Variants in KAZN observed in about 807,000 individuals in gnomAD.
KAZN encodes kazrin.
KAZN carries 40 observed loss-of-function variants against 87.4 expected under a neutral mutation model. The ratio of observed to expected loss-of-function variants is 0.46; its 90% CI spans 0.36 to 0.60. The LOEUF (loss-of-function observed/expected upper bound fraction) is 0.60, where lower values mean the gene tolerates loss of function less well. KAZN is among the 20% of genes least tolerant of loss of function. The pLI, the probability that KAZN is intolerant of heterozygous loss-of-function variation, is 0.00. For missense variants in KAZN, 898 were observed against 1,073.9 expected (o/e 0.84, Z 2.29); for synonymous variants, 466 against 458.3 (o/e 1.02, Z -0.22).
chr1:14,939,602 T>C (rs557744155), intron 1 of KAZN, among the ~76,000 whole-genome samples: 7 of 152,190 alleles, frequency 4.6e-5, no homozygotes, highest in Non-Finnish European at 7.3e-5. Flanking sequence ...GAGGTCCGCA[T>C]TGGCAGTGGG....
At chr1:15,044,671 G>A (rs1673291108) in intron 4 of KAZN, among the ~76,000 whole-genome samples, 1 of 150,968 alleles carries the variant, frequency 6.6e-6, no homozygotes, top group African/African-American at 2.4e-5. Context: ...AGCCCTGGAG[G>A]TAAGGCTGCA....
intron 2 of KAZN, among the ~76,000 whole-genome samples, chr1:14,494,721 ATTGT>A (rs1669851743): frequency 1.3e-5 from 2 of 152,206 alleles, no homozygotes; most frequent in South Asian, 4.1e-4. Flanking sequence ...TCCAGGAAGC[ATTGT>A]TTTTTGCACC....
intron 2 of KAZN, among the ~76,000 whole-genome samples, chr1:15,007,797 C>G (rs1345703172): frequency 6.6e-6 from 1 of 152,238 alleles, no homozygotes; most frequent in Non-Finnish European, 1.5e-5. Flanking sequence ...GCTAACAAAC[C>G]TGAATGCCAC....
intron 1 of KAZN, among the ~76,000 whole-genome samples, chr1:13,950,141 C>A (rs565047454): frequency 4.6e-5 from 7 of 152,244 alleles, no homozygotes; most frequent in Non-Finnish European, 1.0e-4. Flanking sequence ...CATGCACCTG[C>A]TGCTTTGTTT....
intron 1 of KAZN, among the ~76,000 whole-genome samples, chr1:14,642,904 C>T (rs529094933): frequency 6.6e-6 from 1 of 152,276 alleles, no homozygotes; most frequent in South Asian, 2.1e-4. Flanking sequence ...TACAGAGCTA[C>T]TGGATCTTTT....
intron 2 of KAZN, among the ~76,000 whole-genome samples, chr1:14,345,970 A>G (rs1658075807): frequency 1.3e-5 from 2 of 152,222 alleles, no homozygotes; most frequent in African/African-American, 4.8e-5. Flanking sequence ...GATGTTTGTT[A>G]TAAGCCTTAT....
At chr1:14,360,636 C>T (rs1322178379) in intron 2 of KAZN, among the ~76,000 whole-genome samples, 3 of 151,964 alleles carry the variant, frequency 2.0e-5, no homozygotes, top group Non-Finnish European at 4.4e-5. Context: ...GTGTGGATGT[C>T]CTTTTTCTTT....
intron 1 of KAZN, among the ~76,000 whole-genome samples, chr1:14,761,565 T>C (rs138790854): frequency 6.4e-4 from 97 of 152,320 alleles, no homozygotes; most frequent in African/African-American, 2.3e-3. Context: ...CCCCAACCAC[T>C]GTCTTCTGTA....
chr1:14,058,903 G>A (rs745616235), intron 1 of KAZN, among the ~76,000 whole-genome samples: 12 of 152,178 alleles, frequency 7.9e-5, no homozygotes, highest in Non-Finnish European at 1.5e-4. Context: ...GGCAAGAAAG[G>A]TTTTGGCATA....
At chr1:14,275,442 TAC>T (rs1652270655) in intron 2 of KAZN, among the ~76,000 whole-genome samples, 2 of 101,454 alleles carry the variant, frequency 2.0e-5, no homozygotes, top group Non-Finnish European at 4.3e-5. Context: ...TTGTGGTAAA[TAC>T]TGTGTGTGTG....
intron 1 of KAZN, among the ~76,000 whole-genome samples, chr1:14,030,507 C>A (rs1641274850): frequency 6.6e-6 from 1 of 151,904 alleles, no homozygotes; most frequent in African/African-American, 2.4e-5. Context: ...GTGCAGCGCA[C>A]CCGCATGGCA....
At chr1:14,049,693 C>T (rs1472647141) in intron 1 of KAZN, among the ~76,000 whole-genome samples, 1 of 152,182 alleles carries the variant, frequency 6.6e-6, no homozygotes, top group Non-Finnish European at 1.5e-5. Context: ...ACCCTCCTTT[C>T]CTTCTGTTCT....
intron 1 of KAZN, among the ~76,000 whole-genome samples, chr1:14,939,345 C>T (rs1185067417): frequency 6.6e-6 from 1 of 152,086 alleles, no homozygotes; most frequent in Non-Finnish European, 1.5e-5. Flanking sequence ...TCATTGCTCG[C>T]TTCAGCCTCA....
chr1:14,858,213 TC>T lies in KAZN; in HGVS notation c.227-102470del, dbSNP rs202227408. On this transcript the variant is annotated intron_variant, in intron 1 of 14. Coordinates refer to ENST00000376030, the MANE Select transcript of KAZN (RefSeq NM_201628.3). ...CTTTTTTTCTTTTTTCTTTTTCTTT[TC>T]TTTTTTTTTTTTTTTTGAGACAAAG... 7.9e-3 allele frequency among the ~76,000 whole-genome samples: 926 copies of T among 117,448 alleles called. 108 individuals carry two copies. Among genetic ancestry groups the T allele is most frequent in the African/African-American group, 0.033 (881 of 26,736 alleles). The allele number at this position is 117,448 out of a possible 152,430, so 77.1% of individuals were successfully genotyped here.
intron 1 of KAZN, among the ~76,000 whole-genome samples, chr1:14,694,511 C>T (rs1641492741): frequency 6.6e-6 from 1 of 152,146 alleles, no homozygotes; most frequent in African/African-American, 2.4e-5. Flanking sequence ...ATGAGCACTT[C>T]CCAAGTATAA....
chr1:14,435,176 C>T (rs6680164), intron 2 of KAZN, among the ~76,000 whole-genome samples: 63,462 of 152,034 alleles, frequency 0.42, 13,652 homozygotes, highest in Middle Eastern at 0.48. Flanking sequence ...GAGCTCTGAT[C>T]CACTGTTCTC....
intron 1 of KAZN, among the ~76,000 whole-genome samples, chr1:14,723,992 A>G (rs1356972861): frequency 7.2e-5 from 11 of 152,184 alleles, no homozygotes; most frequent in Non-Finnish European, 1.6e-4. Flanking sequence ...ATTGGGGACC[A>G]GCTCTGTACT....
intron 1 of KAZN, among the ~76,000 whole-genome samples, chr1:13,918,993 A>T (rs1639962273): frequency 6.6e-6 from 1 of 152,092 alleles, no homozygotes; most frequent in African/African-American, 2.4e-5. Context: ...GGCCTTCTTA[A>T]TGTTCTTACT....
chr1:14,067,940 G>A (rs893989026), intron 1 of KAZN, among the ~76,000 whole-genome samples: 2 of 152,138 alleles, frequency 1.3e-5, no homozygotes, highest in African/African-American at 4.8e-5. Flanking sequence ...TCATTCATTA[G>A]TGTTCCAGGA....
Sources: gnomAD v4.1 joint callset for allele counts (sites outside exome capture counted in the v4.1 genomes callset) on GRCh38, gnomAD v4.1.1 for gene constraint, MANE v1.5 for transcripts, NCBI Gene and HGNC (gene_info 2026-07-23, HGNC 2026-07-21) for gene names.